The following TXLNB variants were observed in gnomAD, a reference collection of about 807,000 sequenced individuals.
TXLNB encodes beta-taxilin.
TXLNB carries 37 observed loss-of-function variants against 57.4 expected under a neutral mutation model. The ratio of observed to expected loss-of-function variants is 0.64; its 90% CI spans 0.50 to 0.85. TXLNB has a LOEUF of 0.85. TXLNB is among the 40% of genes least tolerant of loss of function. TXLNB has a pLI of 0.00. For synonymous variants in TXLNB, 302 were observed against 309.6 expected (o/e 0.98, Z 0.26); for missense variants, 848 against 825.6 (o/e 1.03, Z -0.33).
chr6:139,222,011 T>C, the TXLNB span, among the ~76,000 whole-genome samples: 2 of 151,886 alleles, frequency 1.3e-5, no homozygotes, highest in South Asian at 4.2e-4. Context: ...ATAATAAAAA[T>C]ATATAATCCA....
At chr6:139,166,018 C>T in the TXLNB span, 1 of 352,888 alleles carries the variant, frequency 2.8e-6, no homozygotes, top group Non-Finnish European at 5.1e-6. Context: ...TATGTTCCAG[C>T]GGCTTTCTGG....
At chr6:139,306,735 C>T in the TXLNB span, among the ~76,000 whole-genome samples, 88 of 152,310 alleles carry the variant, frequency 5.8e-4, no homozygotes, top group Non-Finnish European at 1.0e-3. Flanking sequence ...GAAGCTAGCA[C>T]AGCATGTGGG....
At chr6:139,216,521 T>C in the TXLNB span, among the ~76,000 whole-genome samples, 6 of 151,110 alleles carry the variant, frequency 4.0e-5, no homozygotes, top group African/African-American at 1.5e-4. Flanking sequence ...ATATACCTAA[T>C]GCTAAACGAC....
chr6:139,255,703 A>T, intron 6 of TXLNB, 65 bp from the exon 7 acceptor site: 3 of 1,333,648 alleles, frequency 2.2e-6, no homozygotes, highest in Non-Finnish European at 2.1e-6. Context: ...ATTTGGCTGT[A>T]ATTTGTCTAC....
intron 7 of TXLNB, among the ~76,000 whole-genome samples, chr6:139,252,138 A>C (rs1776221951): frequency 6.6e-6 from 1 of 152,214 alleles, no homozygotes. Context: ...CCTAAGTGAG[A>C]AGCCTGCCCC....
the TXLNB span, chr6:139,166,665 C>G: frequency 6.2e-7 from 1 of 1,613,866 alleles, no homozygotes; most frequent in Non-Finnish European, 8.5e-7. Flanking sequence ...CCTGGTGAGG[C>G]GGCGGAGGAG....
Position 139,243,382 on chromosome 6 carries a change from T to G in TXLNB, c.1267-68A>C, listed in dbSNP as rs774444197. ...GACATGATAAGCAAAATGTCCAGGA[T>G]GCTTTCTGGAAACAAGCAAAACTAT... On this transcript the variant is annotated intron_variant, in intron 9 of 9. Coordinates refer to ENST00000358430, the MANE Select transcript of TXLNB (RefSeq NM_153235.4). The G allele has an allele frequency of 1.3e-5, 19 of 1,465,110 alleles. No homozygotes were observed. In the Admixed American group the frequency reaches 4.0e-4, roughly 31 times the overall value. 90.8% of individuals were successfully genotyped at this position (1,465,110 alleles called of 1,614,324 possible). A position where few individuals can be genotyped will look rare whatever the true frequency, so the allele number is the denominator to read the frequency against.
At chr6:139,280,382 T>C (rs538992320) in intron 2 of TXLNB, among the ~76,000 whole-genome samples, 117 of 152,320 alleles carry the variant, frequency 7.7e-4, no homozygotes, top group African/African-American at 2.6e-3. Context: ...TGATTGTTTA[T>C]ACTAAGTTTG....
At chr6:139,235,790 C>G (rs917541331), downstream of TXLNB, among the ~76,000 whole-genome samples, 3 of 152,022 alleles carry the variant, frequency 2.0e-5, no homozygotes, top group Non-Finnish European at 4.4e-5. Context: ...CCCGCCACGC[C>G]CCCCCTTCCT....
the TXLNB span, among the ~76,000 whole-genome samples, chr6:139,203,803 G>C: frequency 6.6e-6 from 1 of 152,084 alleles, no homozygotes; most frequent in Non-Finnish European, 1.5e-5. Flanking sequence ...TAAAATTTCT[G>C]CAAAGACAGT....
chr6:139,315,235 G>A, the TXLNB span, among the ~76,000 whole-genome samples: 1 of 151,962 alleles, frequency 6.6e-6, no homozygotes, highest in African/African-American at 2.4e-5. Flanking sequence ...CACTTCCTAA[G>A]CCCCTACCCA....
Position 139,241,283 on chromosome 6 carries a change from T to C in TXLNB, c.*1243A>G, listed in dbSNP as rs1470186372. 1.3e-5 allele frequency: 2 copies of C among 152,222 alleles called. No homozygotes were observed. The highest frequency in any genetic ancestry group is 2.9e-5 in the Non-Finnish European group (2 of 68,028). 9.4% of individuals were successfully genotyped at this position (152,222 alleles called of 1,614,324 possible). On this transcript the variant is annotated 3_prime_UTR_variant, in exon 10 of 10. Coordinates refer to ENST00000358430, the MANE Select transcript of TXLNB (RefSeq NM_153235.4). ...TGGTTTGTAAGCCTCATCACTGATA[T>C]TGAGACCCAGTGTAGATTTGTGTTT...
At chr6:139,243,461 G>T in intron 9 of TXLNB, 147 bp from the exon 10 acceptor site, 1 of 696,788 alleles carries the variant, frequency 1.4e-6, no homozygotes, top group Non-Finnish European at 2.3e-6. Context: ...AGTAGGGGCT[G>T]AACAGATGCT....
intron 4 of TXLNB, among the ~76,000 whole-genome samples, chr6:139,263,676 C>T (rs920022381): frequency 2.8e-5 from 3 of 105,724 alleles, no homozygotes; most frequent in Admixed American, 7.8e-5. Flanking sequence ...AATTGCTTTG[C>T]GATTGTTATT....
chr6:139,200,204 G>A, the TXLNB span: 4 of 152,162 alleles, frequency 2.6e-5, no homozygotes, highest in East Asian at 1.9e-4. Flanking sequence ...TTCTACACTT[G>A]CGGCCAGATC....
At chr6:139,221,486 T>C in the TXLNB span, among the ~76,000 whole-genome samples, 2 of 152,164 alleles carry the variant, frequency 1.3e-5, no homozygotes, top group African/African-American at 2.4e-5. Flanking sequence ...TTCTTTCTTT[T>C]TTTTTCTCCA....
chr6:139,299,699 G>T, the TXLNB span, among the ~76,000 whole-genome samples: 2 of 152,080 alleles, frequency 1.3e-5, no homozygotes, highest in African/African-American at 2.4e-5. Flanking sequence ...CAAAATAGAT[G>T]TGGGACCCCC....
the TXLNB span, among the ~76,000 whole-genome samples, chr6:139,311,216 T>A: frequency 0.015 from 2,220 of 152,300 alleles, 29 homozygotes; most frequent in Admixed American, 0.038. Flanking sequence ...AATGTGGCCC[T>A]AATGCTTTTT....
At chr6:139,323,571 C>T in the TXLNB span, among the ~76,000 whole-genome samples, 30 of 152,180 alleles carry the variant, frequency 2.0e-4, no homozygotes, top group African/African-American at 6.0e-4. Flanking sequence ...GCGTGAGCCA[C>T]CGCGCCCAGG....
Sources: allele counts gnomAD v4.1 joint callset (sites outside exome capture counted in the v4.1 genomes callset), GRCh38; gene constraint gnomAD v4.1.1; transcripts MANE v1.5; gene names NCBI Gene and HGNC (gene_info 2026-07-23, HGNC 2026-07-21).